Variants in WBP1L observed in about 807,000 individuals in gnomAD.
The protein encoded by WBP1L is WW domain binding protein 1-like.
WBP1L carries 17 observed loss-of-function variants against 33.7 expected under a neutral mutation model. The ratio of observed to expected loss-of-function variants is 0.50; its 90% CI spans 0.34 to 0.76. WBP1L has a LOEUF of 0.76. WBP1L is among the 30% of genes least tolerant of loss of function. The pLI is 0.01. For synonymous variants in WBP1L, 173 were observed against 190.8 expected (o/e 0.91, Z 0.77); for missense variants, 389 against 469.4 (o/e 0.83, Z 1.58).
chr10:102,801,370 T>C, intron 2 of WBP1L, among the ~76,000 whole-genome samples: 1 of 152,206 alleles, frequency 6.6e-6, no homozygotes, highest in Admixed American at 6.5e-5. Flanking sequence ...CCTGAAGGGC[T>C]ACCGAAAACA....
chr10:102,773,263 G>T (rs1417206585), intron 1 of WBP1L, among the ~76,000 whole-genome samples: 1 of 152,056 alleles, frequency 6.6e-6, no homozygotes, highest in Non-Finnish European at 1.5e-5. Context: ...CTTAGTGAAC[G>T]TTAGTGAGGG....
intron 1 of WBP1L, among the ~76,000 whole-genome samples, chr10:102,765,307 G>A (rs1447332358): frequency 6.6e-6 from 1 of 151,948 alleles, no homozygotes. Context: ...ACAGCTCACT[G>A]CAGCCTCAAC....
chr10:102,751,188 G>A (rs1413882584), intron 1 of WBP1L, among the ~76,000 whole-genome samples: 1 of 152,158 alleles, frequency 6.6e-6, no homozygotes, highest in Non-Finnish European at 1.5e-5. Flanking sequence ...TTTTAGTAGA[G>A]ATGGGGTTTT....
intron 1 of WBP1L, among the ~76,000 whole-genome samples, chr10:102,766,670 T>C (rs1046969634): frequency 1.3e-5 from 2 of 149,952 alleles, no homozygotes; most frequent in African/African-American, 2.5e-5. Context: ...ATGTCTCTAT[T>C]GAAAATACAA....
intron 2 of WBP1L, among the ~76,000 whole-genome samples, chr10:102,809,078 C>CTGTTTTGTTTTGTTT (rs10624878): frequency 6.6e-6 from 1 of 150,724 alleles, no homozygotes; most frequent in African/African-American, 2.4e-5. Context: ...TGTCATCATT[C>CTGTTTTGTTTTGTTT]TGTTTTGTTT....
At chr10:102,771,452 G>T (rs748271212) in intron 1 of WBP1L, among the ~76,000 whole-genome samples, 1 of 152,078 alleles carries the variant, frequency 6.6e-6, no homozygotes, top group East Asian at 1.9e-4. Context: ...ATAAGGAGGC[G>T]AGGTGAAGCG....
intron 3 of WBP1L, among the ~76,000 whole-genome samples, chr10:102,811,183 G>A (rs892735003): frequency 1.1e-4 from 17 of 152,060 alleles, no homozygotes; most frequent in Non-Finnish European, 2.5e-4. Context: ...AGGCCGAGGC[G>A]GGCAGATCAT....
Position 102,813,256 on chromosome 10 carries a change from G to A in WBP1L, c.1017G>A (p.Pro339=), listed in dbSNP as rs565100190. ...REPGHPHLPR[P]PACLLLNTIN... Reference sequence around the variant, plus strand: ...CTGGGCACCCGCACCTGCCACGGCCGCCCGCATGCCTGCTGCTGAACACCA... The same window carrying A: ...CTGGGCACCCGCACCTGCCACGGCCACCCGCATGCCTGCTGCTGAACACCA... The change falls in exon 4 of 4, where the codon CCG becomes CCA. Residue 339 remains proline, a synonymous_variant. Transcript: ENST00000448841. 4.1e-5 allele frequency: 66 copies of A among 1,612,920 alleles called. 1 individual carries two copies. In the South Asian group the frequency reaches 6.0e-4, roughly 15 times the overall value.
In WBP1L at chr10:102,785,294, TCTC is replaced by T. The variant is rs564199322; in HGVS notation, c.91-12696_91-12694del. ...GCTCCACCTCCCAGGTTCATGCCAT[TCTC>T]CTGCCTCAGCCTCCCGAGATGTTGG... On this transcript the variant is annotated intron_variant, in intron 1 of 3. Transcript: ENST00000448841. 2.2e-4 allele frequency among the ~76,000 whole-genome samples: 34 copies of T among 151,838 alleles called. 2 individuals carry two copies. The East Asian group carries it at 6.6e-3, about 30-fold the overall frequency.
At chr10:102,776,289 G>T in intron 1 of WBP1L, 2 of 1,610,934 alleles carry the variant, frequency 1.2e-6, no homozygotes, top group South Asian at 2.2e-5. Context: ...GGTGAACCAG[G>T]ACCACCGCAC....
chr10:102,812,263 C>G (rs573902546), intron 3 of WBP1L, among the ~76,000 whole-genome samples: 1 of 152,308 alleles, frequency 6.6e-6, no homozygotes, highest in East Asian at 1.9e-4. Flanking sequence ...GGAAGTGGGT[C>G]CATTCCAGGC....
intron 1 of WBP1L, among the ~76,000 whole-genome samples, chr10:102,754,128 GAGA>G (rs1159108504): frequency 6.6e-6 from 1 of 151,970 alleles, no homozygotes; most frequent in Non-Finnish European, 1.5e-5. Context: ...GTTCATTTGG[GAGA>G]AGAAATTACT....
intron 1 of WBP1L, among the ~76,000 whole-genome samples, chr10:102,783,962 TG>T (rs1419455374): frequency 1.3e-5 from 2 of 152,228 alleles, no homozygotes; most frequent in African/African-American, 2.4e-5. Context: ...AAGCAGTGTG[TG>T]TTCATTATCT....
chr10:102,799,250 C>G (rs1008662885), intron 2 of WBP1L, among the ~76,000 whole-genome samples: 3 of 151,908 alleles, frequency 2.0e-5, no homozygotes, highest in Non-Finnish European at 4.4e-5. Flanking sequence ...CACTTGAACC[C>G]GGGAGGCGGA....
intron 1 of WBP1L, among the ~76,000 whole-genome samples, chr10:102,780,824 A>C (rs1590179216): frequency 6.6e-6 from 1 of 152,204 alleles, no homozygotes; most frequent in East Asian, 1.9e-4. Flanking sequence ...AGGTGTGTGG[A>C]AGGACCAGTG....
intron 1 of WBP1L, among the ~76,000 whole-genome samples, chr10:102,758,063 T>G (rs1345514029): frequency 1.3e-5 from 2 of 151,340 alleles, no homozygotes; most frequent in African/African-American, 4.9e-5. Flanking sequence ...TTTTGTATTT[T>G]TAGTAGAGAC....
chr10:102,768,889 C>T (rs113604501), intron 1 of WBP1L, among the ~76,000 whole-genome samples: 128 of 151,802 alleles, frequency 8.4e-4, no homozygotes, highest in African/African-American at 2.8e-3. Flanking sequence ...GGGGTTTCAC[C>T]GTGTTAGCCA....
chr10:102,770,406 C>T (rs991691867), intron 1 of WBP1L, among the ~76,000 whole-genome samples: 3 of 152,182 alleles, frequency 2.0e-5, no homozygotes, highest in African/African-American at 7.2e-5. Flanking sequence ...GAGATTATCT[C>T]CTACCCTAGA....
chr10:102,754,421 T>C (rs1168615262), intron 1 of WBP1L, among the ~76,000 whole-genome samples: 2 of 152,146 alleles, frequency 1.3e-5, no homozygotes, highest in African/African-American at 4.8e-5. Flanking sequence ...TTTTTGGAGA[T>C]GAAGTCTTGC....
Sources: allele counts gnomAD v4.1 joint callset (sites outside exome capture counted in the v4.1 genomes callset), GRCh38; gene constraint gnomAD v4.1.1; transcripts MANE v1.5; gene names NCBI Gene and HGNC (gene_info 2026-07-23, HGNC 2026-07-21).